MYH15: variants seen among roughly 807,000 people sequenced by gnomAD.
The protein encoded by MYH15 is myosin heavy chain 15.
A neutral mutation model predicts 240.5 loss-of-function variants in MYH15; 227 were observed. That is an observed-to-expected ratio of 0.94 (90% confidence interval 0.85 to 1.05). The LOEUF (loss-of-function observed/expected upper bound fraction) is 1.05. Ranked by LOEUF, MYH15 falls within the 50% of genes least tolerant of loss-of-function variation. The pLI, the probability that MYH15 is intolerant of heterozygous loss-of-function variation, is 0.00. For synonymous variants in MYH15, 785 were observed against 796.7 expected (o/e 0.99, Z 0.25); for missense variants, 2,217 against 2,247.5 (o/e 0.99, Z 0.27).
intron 9 of MYH15, among the ~76,000 whole-genome samples, 155 bp downstream of exon 9, chr3:108,492,345 G>GA (rs1262386457): frequency 1.3e-5 from 2 of 152,086 alleles, no homozygotes; most frequent in African/African-American, 2.4e-5. Flanking sequence ...TACAACACTA[G>GA]TTCTATAATT....
At chr3:108,514,061 G>A (rs1224693815), upstream of MYH15, among the ~76,000 whole-genome samples, 1 of 152,186 alleles carries the variant, frequency 6.6e-6, no homozygotes, top group Non-Finnish European at 1.5e-5. Context: ...GGAAGGGAGA[G>A]CTGAGATGTA....
the MYH15 span, among the ~76,000 whole-genome samples, chr3:108,536,151 G>A: frequency 3.9e-5 from 6 of 152,156 alleles, no homozygotes; most frequent in Admixed American, 2.0e-4. Flanking sequence ...TGTCATCCCA[G>A]CTATTTGTGA....
At chr3:108,549,984 A>G in the MYH15 span, 2 of 152,042 alleles carry the variant, frequency 1.3e-5, no homozygotes, top group Non-Finnish European at 2.9e-5. Context: ...TATAGAACAA[A>G]TAGTAATTTA....
rs573126303 is a variant in MYH15, at chr3:108,435,767, T to C, written c.3221+1787A>G. On this transcript the variant is annotated intron_variant, in intron 25 of 40. Coordinates refer to ENST00000693548, the MANE Select transcript of MYH15 (RefSeq NM_014981.3). ...GTATGTGTGTGTTTGGGATTTTTTTTCATTTTTAAGTTTATTTTTTATTTC... is the reference window on the plus strand; with the variant it reads ...GTATGTGTGTGTTTGGGATTTTTTTCCATTTTTAAGTTTATTTTTTATTTC... 7.6e-5 allele frequency among the ~76,000 whole-genome samples: 11 copies of C among 144,610 alleles called. No homozygotes were observed. The South Asian group carries it at 2.4e-3, about 32-fold the overall frequency. 94.9% of individuals were successfully genotyped at this position (144,610 alleles called of 152,430 possible).
the MYH15 span, among the ~76,000 whole-genome samples, chr3:108,535,849 A>AT: frequency 6.6e-6 from 1 of 152,244 alleles, no homozygotes; most frequent in Admixed American, 6.5e-5. Context: ...CAACTCTGGC[A>AT]TGAGTATTCG....
rs1295434348 is a variant in MYH15 at position 108,421,125 on chromosome 3, G to A, written c.3792C>T (p.Asp1264=). The change falls in exon 28 of 41, where the codon GAC becomes GAT. Residue 1264 remains aspartate (D), a synonymous_variant. Transcript: ENST00000693548. ...ACAGCTTTGTCTTTTGTGCTGCCAG[G>A]TCATTTGCCAACTGAGTCACCTTAT... ...KLDKVTQLAN[D]LAAQKTKLWS... The A allele has an allele frequency of 5.6e-6, 9 of 1,614,144 alleles. No homozygotes were observed. Among genetic ancestry groups the A allele is most frequent in the Non-Finnish European group, 7.6e-6 (9 of 1,179,998 alleles).
intron 1 of MYH15, among the ~76,000 whole-genome samples, chr3:108,526,853 T>C (rs2083676397): frequency 6.6e-6 from 1 of 152,114 alleles, no homozygotes; most frequent in Non-Finnish European, 1.5e-5. Context: ...GACTGGTGTT[T>C]TGGTTGACTT....
At chr3:108,384,395 T>G (rs1361742853) in intron 39 of MYH15, among the ~76,000 whole-genome samples, 1 of 152,164 alleles carries the variant, frequency 6.6e-6, no homozygotes, top group Non-Finnish European at 1.5e-5. Context: ...TGCCCAAAAC[T>G]GGCCTTCCCT....
intron 18 of MYH15, among the ~76,000 whole-genome samples, chr3:108,459,012 A>G (rs955952012): frequency 2.1e-4 from 32 of 150,356 alleles, no homozygotes; most frequent in African/African-American, 7.6e-4. Flanking sequence ...ATCTACCTTA[A>G]TCCCCTAATT....
chr3:108,489,287 C>G (rs777191043), intron 9 of MYH15, among the ~76,000 whole-genome samples: 4 of 152,052 alleles, frequency 2.6e-5, no homozygotes, highest in Non-Finnish European at 5.9e-5. Context: ...GTCAAGGATT[C>G]CAGGACGGAA....
chr3:108,458,583 G>A (rs1372587641), intron 18 of MYH15, among the ~76,000 whole-genome samples: 2 of 152,068 alleles, frequency 1.3e-5, no homozygotes, highest in African/African-American at 4.8e-5. Context: ...GTGCTCTGAA[G>A]ACATAGGGCT....
chr3:108,384,549 A>C (rs1288414928), intron 39 of MYH15, 138 bp downstream of exon 39: 1 of 737,230 alleles, frequency 1.4e-6, no homozygotes, highest in East Asian at 2.8e-5. Context: ...AACTTGAGAA[A>C]AAAAACTGAG....
chr3:108,419,409 T>C (rs1175380819), intron 28 of MYH15, among the ~76,000 whole-genome samples: 3 of 152,216 alleles, frequency 2.0e-5, no homozygotes, highest in East Asian at 1.9e-4. Flanking sequence ...TTTATTTTAC[T>C]CGCTACCCAC....
intron 33 of MYH15, among the ~76,000 whole-genome samples, chr3:108,403,652 A>T (rs750993978): frequency 4.6e-5 from 7 of 152,124 alleles, no homozygotes; most frequent in Non-Finnish European, 8.8e-5. Context: ...ATATTTTGTA[A>T]GATAAGCTCA....
intron 1 of MYH15, among the ~76,000 whole-genome samples, chr3:108,519,128 A>G (rs1226026631): frequency 1.3e-5 from 2 of 152,210 alleles, no homozygotes; most frequent in Non-Finnish European, 2.9e-5. Context: ...TTAGAAAAGC[A>G]TCTAACCAAG....
chr3:108,523,425 A>G (rs1387753238), intron 1 of MYH15, among the ~76,000 whole-genome samples: 1 of 152,020 alleles, frequency 6.6e-6, no homozygotes, highest in Admixed American at 6.6e-5. Context: ...ATATGCAATT[A>G]TTATTTGTCG....
chr3:108,398,534 G>C (rs1463545276), intron 35 of MYH15, 103 bp downstream of exon 35: 4 of 1,110,456 alleles, frequency 3.6e-6, no homozygotes, highest in Admixed American at 3.5e-5. Flanking sequence ...GCACATCCAA[G>C]ACTTAACAGG....
chr3:108,486,549 T>A, intron 9 of MYH15, 23 bp from the exon 10 acceptor site: 1 of 1,512,424 alleles, frequency 6.6e-7, no homozygotes, highest in South Asian at 1.2e-5. Context: ...AACGATTCGT[T>A]AAACAGCTTA....
Position 108,433,622 on chromosome 3 carries a change from G to A in MYH15, c.3222-2700C>T, listed in dbSNP as rs192025727. On this transcript the variant is annotated intron_variant, in intron 25 of 40. Coordinates refer to ENST00000693548, the MANE Select transcript of MYH15 (RefSeq NM_014981.3). ...CATGGGGGCAAGTCTTTCCCATGCT[G>A]TTCTCATGATAGTGAGTAAGTCTCT... is the stretch of plus-strand genomic sequence containing the variant. Among the ~76,000 whole-genome samples, 329 of 152,280 alleles carry A rather than the reference G, an allele frequency of 2.2e-3. 1 individual carries two copies. Among genetic ancestry groups the A allele is most frequent in the Non-Finnish European group, 2.2e-3 (153 of 68,024 alleles).
Sources: gnomAD v4.1 joint callset for allele counts (sites outside exome capture counted in the v4.1 genomes callset) on GRCh38, gnomAD v4.1.1 for gene constraint, MANE v1.5 for transcripts, NCBI Gene and HGNC (gene_info 2026-07-23, HGNC 2026-07-21) for gene names.